SMC4: variants seen among roughly 807,000 people sequenced by gnomAD.
SMC4 encodes the protein structural maintenance of chromosomes 4.
Under a neutral mutation model 145.6 loss-of-function variants are expected in SMC4, and 87 were observed. The ratio of observed to expected loss-of-function variants is 0.60; its 90% CI spans 0.50 to 0.71. SMC4 has a LOEUF of 0.71. Among genes scored for constraint, SMC4 ranks in the 30% least tolerant of loss-of-function variants. The probability of loss-of-function intolerance (pLI) is 0.00; values close to 1 mark genes in which losing one functional copy is unlikely to be tolerated. For missense variants in SMC4, 1,447 were observed against 1,537.1 expected (o/e 0.94, Z 0.98); for synonymous variants, 558 against 500.7 (o/e 1.11, Z -1.53).
chr3:160,414,841 T>C (rs1030739465), intron 9 of SMC4, among the ~76,000 whole-genome samples: 1 of 152,304 alleles, frequency 6.6e-6, no homozygotes, highest in South Asian at 2.1e-4. Context: ...TAACGTGGAC[T>C]ACAGGTGTGA....
intron 9 of SMC4, among the ~76,000 whole-genome samples, chr3:160,415,830 A>C (rs1716521547): frequency 6.6e-6 from 1 of 152,252 alleles, no homozygotes; most frequent in African/African-American, 2.4e-5. Flanking sequence ...ACTCTGGAAG[A>C]GTAAAGTTGT....
chr3:160,430,992 A>C lies in SMC4; in HGVS notation c.2941-40A>C, dbSNP rs776718698. The stretch of plus-strand genomic sequence containing the variant: ...TCTGTAATGTGAAAATGATGGCTCT[A>C]TTTGGAAAATTCTATCTAGCAGTTC... On this transcript the variant is annotated intron_variant, in intron 19 of 23. Transcript: ENST00000357388. The C allele has an allele frequency of 3.8e-6, 6 of 1,561,852 alleles. No homozygotes were observed. In the South Asian group the frequency reaches 4.8e-5, roughly 13 times the overall value.
chr3:160,417,667 A>G, intron 10 of SMC4, 56 bp from the exon 11 acceptor site: 2 of 1,266,568 alleles, frequency 1.6e-6, no homozygotes, highest in African/African-American at 1.5e-5. Context: ...GTTTCATTTC[A>G]GTGTAGGTTT....
At chr3:160,416,587 G>T in intron 10 of SMC4, 172 bp downstream of exon 10, 1 of 389,564 alleles carries the variant, frequency 2.6e-6, no homozygotes. Context: ...AATTCCTGCT[G>T]ACATGTTTTT....
chr3:160,414,920 T>A (rs1389826751), intron 9 of SMC4, among the ~76,000 whole-genome samples: 1 of 152,218 alleles, frequency 6.6e-6, no homozygotes, highest in Non-Finnish European at 1.5e-5. Flanking sequence ...GGGAAAACAT[T>A]TACCAAATCA....
intron 5 of SMC4, among the ~76,000 whole-genome samples, chr3:160,409,588 G>A (rs1559993552): frequency 6.6e-6 from 1 of 152,110 alleles, no homozygotes; most frequent in Non-Finnish European, 1.5e-5. Flanking sequence ...CCAACTTTTA[G>A]CTATCTGAAA....
chr3:160,430,877 T>C, intron 19 of SMC4, 134 bp downstream of exon 19: 1 of 1,235,980 alleles, frequency 8.1e-7, no homozygotes, highest in East Asian at 2.6e-5. Flanking sequence ...TTTTTATTTG[T>C]ACAATAAGAA....
At chr3:160,419,878 A>G (rs1482686580) in intron 12 of SMC4, among the ~76,000 whole-genome samples, 1 of 152,124 alleles carries the variant, frequency 6.6e-6, no homozygotes, top group Non-Finnish European at 1.5e-5. Flanking sequence ...GCAGAGGCAG[A>G]AGGATCACTT....
In SMC4 at chr3:160,404,507, A is replaced by T. The variant is rs776813868; in HGVS notation, c.687+3A>T. 6.2e-7 allele frequency: 1 copy of T among 1,601,954 alleles called. No individual in the cohort carries two copies. The highest frequency in any genetic ancestry group is 8.5e-7 in the Non-Finnish European group (1 of 1,175,558). ...ATAATAGATTTTTAATTTTACAGGT[A>T]AGTTTATTAAAGACTTCAAAGATTC... is the stretch of plus-strand genomic sequence containing the variant. On this transcript the variant is annotated splice_donor_region_variant and intron_variant, in intron 5 of 23. Coordinates refer to ENST00000357388, the MANE Select transcript of SMC4 (RefSeq NM_001002800.3).
intron 7 of SMC4, 141 bp downstream of exon 7, chr3:160,412,594 G>A: frequency 1.5e-6 from 2 of 1,303,520 alleles, no homozygotes; most frequent in South Asian, 3.5e-5. Flanking sequence ...GAATGTGTTA[G>A]CTCATGCCTG....
intron 12 of SMC4, among the ~76,000 whole-genome samples, chr3:160,420,274 C>T (rs1167660137): frequency 6.6e-6 from 1 of 152,218 alleles, no homozygotes. Context: ...AATTACCCAA[C>T]ATGATTGCTT....
intron 10 of SMC4, 195 bp from the exon 11 acceptor site, chr3:160,417,528 G>A: frequency 1.8e-6 from 1 of 563,664 alleles, no homozygotes; most frequent in South Asian, 2.2e-5. Context: ...AAATCAGTTG[G>A]GAAAAGACTA....
chr3:160,432,495 C>T lies in SMC4; in HGVS notation c.3510C>T (p.Phe1170=), dbSNP rs750305815. The T allele has an allele frequency of 1.2e-6, 2 of 1,601,592 alleles. No homozygotes were observed. Among genetic ancestry groups the T allele is most frequent in the Non-Finnish European group, 1.7e-6 (2 of 1,173,368 alleles). ...ELELVDSLDP[F]SEGIMFSVRP... ...AGCTTGTAGACAGCTTGGATCCTTT[C>T]TCTGAAGGAATCATGTTCAGGTGTG... Residue 1170 remains phenylalanine, a synonymous_variant, in exon 22 of 24, where the codon TTC becomes TTT. Transcript: ENST00000357388.
chr3:160,427,652 CTG>C (rs1435236065), intron 17 of SMC4, among the ~76,000 whole-genome samples: 3 of 152,164 alleles, frequency 2.0e-5, no homozygotes, highest in African/African-American at 7.2e-5. Context: ...TATCAGGAGA[CTG>C]TTAATATCTC....
chr3:160,413,631 A>C lies in SMC4; in HGVS notation c.1121+18A>C, dbSNP rs766334465. On this transcript the variant is annotated intron_variant, in intron 8 of 23. Coordinates refer to ENST00000357388, the MANE Select transcript of SMC4 (RefSeq NM_001002800.3). ...ACAGAAAAGTAATAATATTTTGGGA[A>C]GTACTAAAAGTATTTAGATAATTGT... 2.4e-6 allele frequency: 3 copies of C among 1,229,080 alleles called. No individual in the cohort carries two copies. Among genetic ancestry groups the C allele is most frequent in the Non-Finnish European group, 3.4e-6 (3 of 878,592 alleles). 76.1% of individuals were successfully genotyped at this position (1,229,080 alleles called of 1,614,324 possible). A position where few individuals can be genotyped will look rare whatever the true frequency, so the allele number is the denominator to read the frequency against.
intron 21 of SMC4, 80 bp downstream of exon 21, chr3:160,431,905 A>G: frequency 7.0e-7 from 1 of 1,430,674 alleles, no homozygotes; most frequent in Non-Finnish European, 9.6e-7. Flanking sequence ...GTTTTGTATA[A>G]TTAACAATGC....
At chr3:160,417,569 A>T in intron 10 of SMC4, 154 bp from the exon 11 acceptor site, 1 of 650,180 alleles carries the variant, frequency 1.5e-6, no homozygotes. Context: ...CTAGGCAAAA[A>T]CTGAATCTAG....
intron 18 of SMC4, 130 bp from the exon 19 acceptor site, chr3:160,430,469 A>G: frequency 2.4e-6 from 2 of 825,158 alleles, no homozygotes; most frequent in Non-Finnish European, 3.7e-6. Flanking sequence ...GGTTTAGTAA[A>G]TCATAAACTT....
In SMC4 at chr3:160,431,151, AATAG is replaced by A; in HGVS notation, c.3063_3066del (p.Ile1021MetfsTer11). ...TTAGTATTAAGTTGAAACTTGAACA[AATAG>A]ATGGTCACATTGCTGAACATAATTC... On this transcript the variant is annotated frameshift_variant, in exon 20 of 24. Coordinates refer to ENST00000357388, the MANE Select transcript of SMC4 (RefSeq NM_001002800.3). LOFTEE classifies it high-confidence loss of function. 5 of 1,604,418 alleles carry A rather than the reference AATAG, an allele frequency of 3.1e-6. No individual in the cohort carries two copies. The highest frequency in any genetic ancestry group is 4.2e-6 in the Non-Finnish European group (5 of 1,177,302).
Sources: allele counts gnomAD v4.1 joint callset (sites outside exome capture counted in the v4.1 genomes callset), GRCh38; gene constraint gnomAD v4.1.1; transcripts MANE v1.5; gene names NCBI Gene and HGNC (gene_info 2026-07-23, HGNC 2026-07-21).